PDGFRL: variants seen among roughly 807,000 people sequenced by gnomAD.
PDGFRL encodes the protein platelet derived growth factor receptor like.
PDGFRL carries 46 observed loss-of-function variants against 37.2 expected under a neutral mutation model. That is an observed-to-expected ratio of 1.24 (90% CI 0.98 to 1.58). The LOEUF is 1.58. PDGFRL is among the 40% of genes most tolerant of loss of function. The pLI is 0.00. For synonymous variants in PDGFRL, 251 were observed against 184.3 expected (o/e 1.36, Z -2.93); for missense variants, 692 against 467.6 (o/e 1.48, Z -4.43).
intron 2 of PDGFRL, among the ~76,000 whole-genome samples, chr8:17,609,034 A>G (rs2129704545): frequency 6.6e-6 from 1 of 152,182 alleles, no homozygotes; most frequent in South Asian, 2.1e-4. Flanking sequence ...GCCTGAGCAA[A>G]ATAGTGAGAC....
Position 17,628,518 on chromosome 8 carries a change from C to T in PDGFRL, c.537C>T (p.Ser179=), listed in dbSNP as rs1383197012. 6.2e-7 allele frequency: 1 copy of T among 1,613,938 alleles called. No homozygotes were observed. The highest frequency in any genetic ancestry group is 8.5e-7 in the Non-Finnish European group (1 of 1,179,788). The change falls in exon 4 of 6, where the codon AGC becomes AGT. Residue 179 remains serine, a synonymous_variant. Transcript: ENST00000251630. ...GAGAACTCTTTGTACCTTCTCCCAGCTACTTCGATGTTGTCTACTTGAACC... is the reference window on the plus strand; with the variant it reads ...GAGAACTCTTTGTACCTTCTCCCAGTTACTTCGATGTTGTCTACTTGAACC... ...EKGELFVPSP[S]YFDVVYLNPD... is the part of the protein sequence containing the mutation.
rs189434220 is a variant in PDGFRL at position 17,591,136 on chromosome 8, C to T, written c.353+1371C>T. On this transcript the variant is annotated intron_variant, in intron 2 of 5. Coordinates refer to ENST00000251630, the MANE Select transcript of PDGFRL (RefSeq NM_001372073.1). Reference sequence around the variant, plus strand: ...TGACCTCATGATCCGCCTGCCTCGGCCTCCCAAAGTGCTGGGATTACAGGC... The same window carrying T: ...TGACCTCATGATCCGCCTGCCTCGGTCTCCCAAAGTGCTGGGATTACAGGC... Among the ~76,000 whole-genome samples, 204 of 152,238 alleles carry T rather than the reference C, an allele frequency of 1.3e-3. 5 individuals carry two copies. The East Asian group carries it at 0.034, about 25-fold the overall frequency.
At chr8:17,600,995 A>G (rs1463023378) in intron 2 of PDGFRL, among the ~76,000 whole-genome samples, 1 of 151,996 alleles carries the variant, frequency 6.6e-6, no homozygotes, top group African/African-American at 2.4e-5. Flanking sequence ...GAAATAATAA[A>G]CAAACTGAGC....
intron 2 of PDGFRL, among the ~76,000 whole-genome samples, chr8:17,591,857 A>C (rs180983483): frequency 1.3e-5 from 2 of 152,182 alleles, no homozygotes; most frequent in Non-Finnish European, 2.9e-5. Flanking sequence ...CGGAGGTTGC[A>C]GTGAGCCGAG....
At chr8:17,600,988 A>G (rs1428698159) in intron 2 of PDGFRL, among the ~76,000 whole-genome samples, 2 of 152,080 alleles carry the variant, frequency 1.3e-5, no homozygotes, top group Non-Finnish European at 2.9e-5. Flanking sequence ...CTCTAAAGAA[A>G]TAATAAACAA....
chr8:17,599,551 C>T (rs935208101), intron 2 of PDGFRL, among the ~76,000 whole-genome samples: 4 of 152,180 alleles, frequency 2.6e-5, no homozygotes, highest in African/African-American at 9.7e-5. Context: ...CCCTGTTCAT[C>T]TACTTTCTCT....
chr8:17,576,763 G>C (rs1338204426), upstream of PDGFRL: 1 of 833,320 alleles, frequency 1.2e-6, no homozygotes, highest in African/African-American at 1.8e-5. Context: ...TCCTGTGAGT[G>C]AGTGCATGTG....
At chr8:17,584,902 C>T (rs922693119) in intron 1 of PDGFRL, among the ~76,000 whole-genome samples, 2 of 152,058 alleles carry the variant, frequency 1.3e-5, no homozygotes, top group African/African-American at 4.8e-5. Flanking sequence ...TCTTCATAGG[C>T]AGAGCAGCGG....
At chr8:17,620,292 A>T (rs1804605039) in intron 2 of PDGFRL, among the ~76,000 whole-genome samples, 1 of 152,210 alleles carries the variant, frequency 6.6e-6, no homozygotes, top group Non-Finnish European at 1.5e-5. Flanking sequence ...TTTAGTGGTG[A>T]CACATTGGTT....
chr8:17,597,482 G>A (rs1176083949), intron 2 of PDGFRL, among the ~76,000 whole-genome samples: 1 of 152,150 alleles, frequency 6.6e-6, no homozygotes, highest in African/African-American at 2.4e-5. Flanking sequence ...TAATGAAGAA[G>A]AAGGAGATCT....
chr8:17,614,698 C>T (rs1307396608), intron 2 of PDGFRL, among the ~76,000 whole-genome samples: 1 of 152,236 alleles, frequency 6.6e-6, no homozygotes, highest in African/African-American at 2.4e-5. Flanking sequence ...CCCACCTCAG[C>T]CTCCCAAGTA....
At chr8:17,623,795 A>G (rs1237099682) in intron 3 of PDGFRL, among the ~76,000 whole-genome samples, 1 of 149,898 alleles carries the variant, frequency 6.7e-6, no homozygotes. Flanking sequence ...GATCGCCTGA[A>G]TCTCGGAGTT....
chr8:17,595,024 G>A (rs1007776121), intron 2 of PDGFRL, among the ~76,000 whole-genome samples: 1 of 149,760 alleles, frequency 6.7e-6, no homozygotes, highest in African/African-American at 2.5e-5. Flanking sequence ...TTTTCCTGAT[G>A]TACATCCTGA....
chr8:17,625,891 A>T (rs1244622593), intron 3 of PDGFRL, among the ~76,000 whole-genome samples: 1 of 152,136 alleles, frequency 6.6e-6, no homozygotes. Context: ...GCTACTCAGG[A>T]GGCTGAGGTG....
At chr8:17,582,555 C>T (rs1318613458) in intron 1 of PDGFRL, among the ~76,000 whole-genome samples, 1 of 141,982 alleles carries the variant, frequency 7.0e-6, no homozygotes, top group Non-Finnish European at 1.5e-5. Context: ...GTACTGCAGC[C>T]TGGTGACAGA....
chr8:17,591,696 G>A (rs1051991148), intron 2 of PDGFRL, among the ~76,000 whole-genome samples: 3 of 152,088 alleles, frequency 2.0e-5, no homozygotes, highest in South Asian at 2.1e-4. Context: ...CGGGCGGATC[G>A]TCATGAGGTC....
chr8:17,601,600 T>G (rs1362161904), intron 2 of PDGFRL, among the ~76,000 whole-genome samples: 1 of 152,186 alleles, frequency 6.6e-6, no homozygotes, highest in Non-Finnish European at 1.5e-5. Flanking sequence ...AGGTAGTTTC[T>G]CAGTCCTCAC....
At chr8:17,603,192 C>T (rs1804202341) in intron 2 of PDGFRL, among the ~76,000 whole-genome samples, 1 of 152,142 alleles carries the variant, frequency 6.6e-6, no homozygotes, top group African/African-American at 2.4e-5. Context: ...CGATGTTGGC[C>T]AGGCTTGTGT....
chr8:17,628,671 C>A lies in PDGFRL; in HGVS notation c.690C>A (p.Gly230=), dbSNP rs776899957. Residue 230 remains glycine, a synonymous_variant, in exon 4 of 6, where the codon GGC becomes GGA. Coordinates refer to ENST00000251630, the MANE Select transcript of PDGFRL (RefSeq NM_001372073.1). The stretch of plus-strand genomic sequence containing the variant: ...ACATTGTTTATGACATGAAGCGGGG[C>A]TTTGTGTATCTGCAACCTCATTCCG... ...GTDIVYDMKR[G]FVYLQPHSEH... 2 of 1,614,066 alleles carry A rather than the reference C, an allele frequency of 1.2e-6. No homozygotes were observed. The highest frequency in any genetic ancestry group is 1.7e-6 in the Non-Finnish European group (2 of 1,179,904).
Sources: allele counts gnomAD v4.1 joint callset (sites outside exome capture counted in the v4.1 genomes callset), GRCh38; gene constraint gnomAD v4.1.1; transcripts MANE v1.5; gene names NCBI Gene and HGNC (gene_info 2026-07-23, HGNC 2026-07-21).